Variants in DCAKD observed in about 807,000 individuals in gnomAD.
DCAKD encodes the protein dephospho-CoA kinase domain containing.
DCAKD carries 15 observed loss-of-function variants against 18.7 expected under a neutral mutation model. The observed-to-expected ratio is 0.80, with a 90% CI of 0.54 to 1.24. The LOEUF is 1.24. Ranked by LOEUF, DCAKD falls within the 50% of genes most tolerant of loss-of-function variation. DCAKD has a pLI of 0.00. For missense variants in DCAKD, 301 were observed against 322.0 expected, an observed-to-expected ratio of 0.93 and a Z score of 0.50; for synonymous variants, 130 against 133.0, an observed-to-expected ratio of 0.98 and a Z score of 0.16.
chr17:45,048,064 A>G (rs1010811002), intron 1 of DCAKD, among the ~76,000 whole-genome samples: 3 of 152,142 alleles, frequency 2.0e-5, no homozygotes, highest in African/African-American at 7.2e-5. Context: ...GCAGAGAAAT[A>G]TGATAAACCA....
upstream of DCAKD, among the ~76,000 whole-genome samples, chr17:45,053,582 C>T (rs1049666203): frequency 7.9e-5 from 12 of 152,134 alleles, no homozygotes; most frequent in South Asian, 4.1e-4. Context: ...CCACCACACT[C>T]GGCTAATTTT....
intron 1 of DCAKD, among the ~76,000 whole-genome samples, chr17:45,039,727 A>C (rs1474624629): frequency 6.6e-6 from 1 of 152,202 alleles, no homozygotes; most frequent in Non-Finnish European, 1.5e-5. Context: ...TTTCAGTGCC[A>C]AGAACGGTGC....
intron 1 of DCAKD, among the ~76,000 whole-genome samples, chr17:45,050,692 A>C (rs921125666): frequency 1.3e-5 from 2 of 152,172 alleles, no homozygotes; most frequent in African/African-American, 4.8e-5. Context: ...TCCTGCAAAA[A>C]CAAACACGTT....
chr17:45,040,997 G>A (rs1329995186), intron 1 of DCAKD, among the ~76,000 whole-genome samples: 2 of 152,132 alleles, frequency 1.3e-5, no homozygotes, highest in African/African-American at 4.8e-5. Flanking sequence ...ACTGCTCTGG[G>A]AGGTCTGGCC....
chr17:45,032,777 A>C (rs1257295178), intron 3 of DCAKD, among the ~76,000 whole-genome samples: 2 of 126,838 alleles, frequency 1.6e-5, no homozygotes, highest in Non-Finnish European at 3.6e-5. Context: ...GCGAGACTCC[A>C]TCTCAAAAAA....
In DCAKD at chr17:45,034,356, G is replaced by C. The variant is rs747710663; in HGVS notation, c.147C>G (p.Ile49Met). ...VQPGYPAHRRIVEVFGTEVLL... is the reference protein window; with the variant it reads ...VQPGYPAHRRMVEVFGTEVLL... ...AGACCTCAGTGCCGAAGACCTCTAC[G>C]ATGCGCCGGTGGGCAGGGTATCCTG... The change falls in exon 3 of 5, where the codon ATC becomes ATG. Residue 49 changes from isoleucine to methionine, a missense_variant. Transcript: ENST00000651974. The C allele has an allele frequency of 6.2e-7, 1 of 1,613,934 alleles. No individual in the cohort carries two copies. The highest frequency in any genetic ancestry group is 1.1e-5 in the South Asian group (1 of 91,080).
chr17:45,058,301 C>T (rs1442177189), intron 1 of DCAKD, among the ~76,000 whole-genome samples: 18 of 152,008 alleles, frequency 1.2e-4, no homozygotes, highest in Admixed American at 9.2e-4. Context: ...GGCGACAGAG[C>T]GAGACAGTCT....
At chr17:45,039,720 C>T (rs1051269970) in intron 1 of DCAKD, among the ~76,000 whole-genome samples, 3 of 152,216 alleles carry the variant, frequency 2.0e-5, no homozygotes, top group African/African-American at 7.2e-5. Context: ...GCTGGAGTTT[C>T]AGTGCCAAGA....
rs1418420774 is a variant in DCAKD, at chr17:45,034,893, G to C, written c.-8C>G. 2 of 1,613,998 alleles carry C rather than the reference G, an allele frequency of 1.2e-6. No homozygotes were observed. Among genetic ancestry groups the C allele is most frequent in the Non-Finnish European group, 1.7e-6 (2 of 1,179,890 alleles). On this transcript the variant is annotated 5_prime_UTR_variant, in exon 2 of 5. Coordinates refer to ENST00000651974, the MANE Select transcript of DCAKD (RefSeq NM_001288655.2). ...CAGGCCCACCAGAAACATCTTCCAG[G>C]AAAGAGAGCTGTCCGCGAGACTACG...
intron 1 of DCAKD, among the ~76,000 whole-genome samples, chr17:45,042,538 G>A (rs1422907752): frequency 6.6e-6 from 1 of 152,170 alleles, no homozygotes; most frequent in Non-Finnish European, 1.5e-5. Context: ...AGACAGAACT[G>A]CTTTCCTAAG....
intron 1 of DCAKD, among the ~76,000 whole-genome samples, chr17:45,036,472 C>T (rs911043882): frequency 3.9e-5 from 6 of 152,064 alleles, no homozygotes; most frequent in South Asian, 2.1e-4. Flanking sequence ...GCGGAGATTG[C>T]GCCCCTGCAC....
upstream of DCAKD, among the ~76,000 whole-genome samples, chr17:45,053,761 G>C (rs554201918): frequency 1.3e-5 from 2 of 151,422 alleles, no homozygotes; most frequent in African/African-American, 4.9e-5. Flanking sequence ...ATGGGGTTTG[G>C]CATGTTAGCC....
intron 1 of DCAKD, among the ~76,000 whole-genome samples, chr17:45,059,968 G>A (rs1163735382): frequency 6.6e-6 from 1 of 152,124 alleles, no homozygotes; most frequent in Non-Finnish European, 1.5e-5. Context: ...GCCAGGTGTG[G>A]TGGCGTGCGC....
intron 4 of DCAKD, among the ~76,000 whole-genome samples, chr17:45,028,924 C>T (rs1436573519): frequency 1.3e-5 from 2 of 151,530 alleles, no homozygotes; most frequent in Non-Finnish European, 2.9e-5. Flanking sequence ...AGGCTGGTCT[C>T]GAACTCCTGA....
upstream of DCAKD, among the ~76,000 whole-genome samples, chr17:45,054,467 C>T (rs576272566): frequency 3.9e-5 from 6 of 152,148 alleles, no homozygotes; most frequent in South Asian, 8.3e-4. Flanking sequence ...ATGCTGGTCT[C>T]GAACTCCCAA....
intron 1 of DCAKD, among the ~76,000 whole-genome samples, chr17:45,035,455 G>T (rs1597955718): frequency 3.4e-5 from 1 of 29,018 alleles, no homozygotes; most frequent in African/African-American, 1.7e-4. Context: ...CACTGCAGCC[G>T]TGGGTGACAG....
chr17:45,031,594 T>C, intron 3 of DCAKD: 1 of 985,354 alleles, frequency 1.0e-6, no homozygotes, highest in Non-Finnish European at 1.2e-6. Flanking sequence ...CCTCCCTAAC[T>C]TGGAGCAGAA....
chr17:45,038,584 C>A (rs1458278583), intron 1 of DCAKD, among the ~76,000 whole-genome samples: 2 of 152,116 alleles, frequency 1.3e-5, no homozygotes, highest in South Asian at 2.1e-4. Flanking sequence ...CGATTCAGAG[C>A]CAAAGAGAAA....
Position 45,024,535 on chromosome 17 carries a change from G to C in DCAKD, c.594C>G (p.Arg198=). ...QVILLHTELE[R]SLEYLPLRFG... ...ACCTCAGCGGCAGGTACTCCAGGGA[G>C]CGCTCCAGCTCAGTGTGCAAGAGGA... Residue 198 remains arginine (R), a synonymous_variant, in exon 5 of 5, where the codon CGC becomes CGG. Transcript: ENST00000651974. 6.2e-7 allele frequency: 1 copy of C among 1,614,166 alleles called. No individual in the cohort carries two copies. Among genetic ancestry groups the C allele is most frequent in the Non-Finnish European group, 8.5e-7 (1 of 1,179,996 alleles).
Sources: gnomAD v4.1 joint callset for allele counts (sites outside exome capture counted in the v4.1 genomes callset) on GRCh38, gnomAD v4.1.1 for gene constraint, MANE v1.5 for transcripts, NCBI Gene and HGNC (gene_info 2026-07-23, HGNC 2026-07-21) for gene names.